Variants in KLRD1 observed in about 807,000 individuals in gnomAD.
The protein encoded by KLRD1 is natural killer cells antigen CD94.
Under a neutral mutation model 22.6 loss-of-function variants are expected in KLRD1, and 21 were observed. The observed-to-expected ratio is 0.93, with a 90% CI of 0.66 to 1.34. The LOEUF (loss-of-function observed/expected upper bound fraction) is 1.34. Ranked by LOEUF, KLRD1 falls within the 40% of genes most tolerant of loss-of-function variation. The pLI is 0.00. For synonymous variants in KLRD1, 59 were observed against 71.1 expected, an observed-to-expected ratio of 0.83 and a Z score of 0.85; for missense variants, 183 against 208.6, an observed-to-expected ratio of 0.88 and a Z score of 0.76.
In KLRD1 at chr12:10,245,663, T is replaced by C. The variant is rs1949283946; in HGVS notation, c.-101+19430T>C. On this transcript the variant is annotated intron_variant, in intron 1 of 5. Transcript: ENST00000544747. ...TCTGTGTACTGTCTACTTGTCCTCATTGAGCCAACATATAGATAATGACGT... is the reference window on the plus strand; with the variant it reads ...TCTGTGTACTGTCTACTTGTCCTCACTGAGCCAACATATAGATAATGACGT... 1.3e-5 allele frequency among the ~76,000 whole-genome samples: 2 copies of C among 152,158 alleles called. 1 individual carries two copies. The highest frequency in any genetic ancestry group is 1.3e-4 in the Admixed American group (2 of 15,280).
chr12:10,268,184 G>A (rs539398924), intron 1 of KLRD1, among the ~76,000 whole-genome samples: 188 of 152,316 alleles, frequency 1.2e-3, no homozygotes, highest in Non-Finnish European at 2.4e-3. Flanking sequence ...GATTAGATGG[G>A]TAGGAGTGCA....
rs1246906245 is a variant in KLRD1, at chr12:10,324,814, G to GTTTATATATATA, written c.*10022_*10023insTTATATATATAT. ...TGTAAGTATATATGTATATGTGTGTGTGTGTATATATATATATATATATAT... is the reference window on the plus strand; with the variant it reads ...TGTAAGTATATATGTATATGTGTGTGTTTATATATATATGTGTATATATATATATATATATAT... On this transcript the variant is annotated 3_prime_UTR_variant, in exon 6 of 6. Transcript: ENST00000336164. 8.4e-5 allele frequency: 1 copy of GTTTATATATATA among 11,952 alleles called. No individual in the cohort carries two copies. Among genetic ancestry groups the GTTTATATATATA allele is most frequent in the African/African-American group, 2.2e-4 (1 of 4,446 alleles). 0.7% of individuals were successfully genotyped at this position (11,952 alleles called of 1,614,324 possible).
At chr12:10,283,132 CA>C (rs1162847127) in intron 1 of KLRD1, among the ~76,000 whole-genome samples, 1 of 152,118 alleles carries the variant, frequency 6.6e-6, no homozygotes, top group Non-Finnish European at 1.5e-5. Flanking sequence ...CAGATATGGG[CA>C]AAACAGAAAG....
chr12:10,296,267 A>G (rs1949820390), intron 1 of KLRD1, among the ~76,000 whole-genome samples: 1 of 152,192 alleles, frequency 6.6e-6, no homozygotes, highest in South Asian at 2.1e-4. Context: ...CTGTAATCCC[A>G]GCACTTTGGG....
chr12:10,306,849 TA>T (rs1204835357), upstream of KLRD1, among the ~76,000 whole-genome samples: 1 of 145,878 alleles, frequency 6.9e-6, no homozygotes, highest in East Asian at 1.9e-4. Context: ...GAAGTCAAAG[TA>T]GTCTTTTCTT....
At position 10,323,403 on chromosome 12, in the gene KLRD1, C is replaced by T. The variant is rs1950328127; in HGVS notation, c.*8610C>T. On this transcript the variant is annotated 3_prime_UTR_variant, in exon 6 of 6. Coordinates refer to ENST00000336164, the MANE Select transcript of KLRD1 (RefSeq NM_002262.5). Reference sequence around the variant, plus strand: ...ATACAATTGTACATTTAATTTCCATCTTCCAAATGAATAATGATGCTTATC... The same window carrying T: ...ATACAATTGTACATTTAATTTCCATTTTCCAAATGAATAATGATGCTTATC... 6.6e-6 allele frequency: 1 copy of T among 150,556 alleles called. No homozygotes were observed. The highest frequency in any genetic ancestry group is 1.5e-5 in the Non-Finnish European group (1 of 67,734). 9.3% of individuals were successfully genotyped at this position (150,556 alleles called of 1,614,324 possible).
Position 10,275,086 on chromosome 12 carries a change from C to A in KLRD1, c.-100-32892C>A, listed in dbSNP as rs146353860. 3.9e-3 allele frequency among the ~76,000 whole-genome samples: 589 copies of A among 152,254 alleles called. 18 individuals carry two copies. The East Asian group carries it at 0.067, about 17-fold the overall frequency. On this transcript the variant is annotated intron_variant, in intron 1 of 5. Transcript: ENST00000544747. The stretch of plus-strand genomic sequence containing the variant: ...TGTATTTTTAGTAGAGATGGGGTTT[C>A]ACCATGTTGGTCAGGCTGGTCTCCA...
rs1407038747 is a variant in KLRD1, at chr12:10,239,459, T to TTA, written c.-101+13227_-101+13228insAT. 3.3e-3 allele frequency among the ~76,000 whole-genome samples: 140 copies of TTA among 42,384 alleles called. 6 individuals carry two copies. The highest frequency in any genetic ancestry group is 0.018 in the East Asian group (19 of 1,080). 27.8% of individuals were successfully genotyped at this position (42,384 alleles called of 152,430 possible). ...TTTCCTTCCTTCCTTCCTTCCTTCC[T>TTA]TCCTTCCTTCCTTCCTTCCTTCCTT... is the stretch of plus-strand genomic sequence containing the variant. On this transcript the variant is annotated intron_variant, in intron 1 of 5. Transcript: ENST00000544747.
At chr12:10,312,570 C>G (rs1483692497) in intron 4 of KLRD1, among the ~76,000 whole-genome samples, 2 of 148,754 alleles carry the variant, frequency 1.3e-5, no homozygotes, top group Non-Finnish European at 3.0e-5. Flanking sequence ...AGTAGAGACG[C>G]GGTTTCACCG....
chr12:10,285,930 G>A (rs1949697665), intron 1 of KLRD1, among the ~76,000 whole-genome samples: 1 of 152,096 alleles, frequency 6.6e-6, no homozygotes. Flanking sequence ...CTCAGTTCTG[G>A]TCTCTTCTCT....
chr12:10,327,576 T>C lies in KLRD1; in HGVS notation c.*12783T>C, dbSNP rs1166257728. Reference sequence around the variant, plus strand: ...TGTACCCTGCAACTTTACTTGGTTTTAGGAGGCTTTTTTGTGGATTCTTTA... The same window carrying C: ...TGTACCCTGCAACTTTACTTGGTTTCAGGAGGCTTTTTTGTGGATTCTTTA... On this transcript the variant is annotated 3_prime_UTR_variant, in exon 6 of 6. Coordinates refer to ENST00000336164, the MANE Select transcript of KLRD1 (RefSeq NM_002262.5). 1.3e-5 allele frequency: 2 copies of C among 152,202 alleles called. No homozygotes were observed. The highest frequency in any genetic ancestry group is 2.4e-5 in the African/African-American group (1 of 41,446). 9.4% of individuals were successfully genotyped at this position (152,202 alleles called of 1,614,324 possible). A position where few individuals can be genotyped will look rare whatever the true frequency, so the allele number is the denominator to read the frequency against.
chr12:10,284,741 T>A (rs1029916338), intron 1 of KLRD1, among the ~76,000 whole-genome samples: 1 of 152,160 alleles, frequency 6.6e-6, no homozygotes. Context: ...TCCCAGCACT[T>A]TGGGAGGCCA....
At chr12:10,270,401 TA>T (rs1350299978) in intron 1 of KLRD1, among the ~76,000 whole-genome samples, 1 of 152,112 alleles carries the variant, frequency 6.6e-6, no homozygotes, top group Non-Finnish European at 1.5e-5. Context: ...AGCGATTAAA[TA>T]AAGGAAGGCA....
chr12:10,246,913 T>TTTTTC (rs138486754), intron 1 of KLRD1, among the ~76,000 whole-genome samples: 6 of 130,364 alleles, frequency 4.6e-5, no homozygotes, highest in African/African-American at 1.1e-4. Flanking sequence ...TTCTTTTTTC[T>TTTTTC]TTTTCTTTTC....
Position 10,326,830 on chromosome 12 carries a change from G to A in KLRD1, c.*12037G>A, listed in dbSNP as rs944248232. The A allele has an allele frequency of 6.6e-6, 1 of 152,178 alleles. No homozygotes were observed. The highest frequency in any genetic ancestry group is 2.4e-5 in the African/African-American group (1 of 41,458). 9.4% of individuals were successfully genotyped at this position (152,178 alleles called of 1,614,324 possible). On this transcript the variant is annotated 3_prime_UTR_variant, in exon 6 of 6. Coordinates refer to ENST00000336164, the MANE Select transcript of KLRD1 (RefSeq NM_002262.5). Reference sequence around the variant, plus strand: ...TTTTGCCCTAAGCAGTTCCCAGCTTGAATTTTCCCTTTTGTTGAGTGATTT... The same window carrying A: ...TTTTGCCCTAAGCAGTTCCCAGCTTAAATTTTCCCTTTTGTTGAGTGATTT...
At chr12:10,271,926 C>G (rs1034619843) in intron 1 of KLRD1, among the ~76,000 whole-genome samples, 1 of 151,846 alleles carries the variant, frequency 6.6e-6, no homozygotes, top group African/African-American at 2.4e-5. Context: ...GTTTATAGAT[C>G]TATTGTAGAG....
intron 1 of KLRD1, among the ~76,000 whole-genome samples, chr12:10,277,292 C>G (rs1250300842): frequency 6.6e-6 from 1 of 151,822 alleles, no homozygotes; most frequent in East Asian, 1.9e-4. Context: ...AATACATTCA[C>G]TGAGCTAAGA....
rs895411062 is a variant in KLRD1 at position 10,320,224 on chromosome 12, T to C, written c.*5431T>C. ...TAACGTGTCACATAGCAATAATCAA[T>C]ACATATTTTGGTACCAAGAATGAAG... On this transcript the variant is annotated 3_prime_UTR_variant, in exon 6 of 6. Coordinates refer to ENST00000336164, the MANE Select transcript of KLRD1 (RefSeq NM_002262.5). 1 of 148,528 alleles carries C rather than the reference T, an allele frequency of 6.7e-6. No homozygotes were observed. The highest frequency in any genetic ancestry group is 2.0e-4 in the East Asian group (1 of 5,038). 9.2% of individuals were successfully genotyped at this position (148,528 alleles called of 1,614,324 possible).
chr12:10,239,433 CT>C (rs371877515), intron 1 of KLRD1, among the ~76,000 whole-genome samples: 90,750 of 122,032 alleles, frequency 0.74, 33,274 homozygotes, highest in Admixed American at 0.83. Context: ...TCCTTCCTTC[CT>C]TTCCTTCCTT....
Sources: gnomAD v4.1 joint callset for allele counts (sites outside exome capture counted in the v4.1 genomes callset) on GRCh38, gnomAD v4.1.1 for gene constraint, MANE v1.5 for transcripts, NCBI Gene and HGNC (gene_info 2026-07-23, HGNC 2026-07-21) for gene names.